The following ADGRB3 variants were observed in gnomAD, a reference collection of about 807,000 sequenced individuals.
ADGRB3 encodes adhesion G protein-coupled receptor B3.
Under a neutral mutation model 193.4 loss-of-function variants are expected in ADGRB3, and 37 were observed. The observed-to-expected ratio is 0.19, with a 90% CI of 0.15 to 0.25. The LOEUF (loss-of-function observed/expected upper bound fraction) is 0.25. Ranked by LOEUF, ADGRB3 falls within the 10% of genes least tolerant of loss-of-function variation. The pLI, the probability that ADGRB3 is intolerant of heterozygous loss-of-function variation, is 1.00. For missense variants in ADGRB3, 1,637 were observed against 1,852.9 expected, an observed-to-expected ratio of 0.88 and a Z score of 2.14; for synonymous variants, 690 against 644.2, an observed-to-expected ratio of 1.07 and a Z score of -1.08.
At position 69,018,513 on chromosome 6, in the gene ADGRB3, T is replaced by C. The variant is rs1338542387; in HGVS notation, c.2107+14T>C. 3.2e-6 allele frequency: 5 copies of C among 1,553,364 alleles called. No individual in the cohort carries two copies. The highest frequency in any genetic ancestry group is 3.5e-6 in the Non-Finnish European group (4 of 1,131,172). On this transcript the variant is annotated intron_variant, in intron 13 of 31. Transcript: ENST00000370598. Reference sequence around the variant, plus strand: ...CTGGAAATGTAGGTAAGAAATAGGATTTTCCCCCAAAATCTTTCTGAAATA... The same window carrying C: ...CTGGAAATGTAGGTAAGAAATAGGACTTTCCCCCAAAATCTTTCTGAAATA...
intron 3 of ADGRB3, among the ~76,000 whole-genome samples, chr6:68,880,700 T>C (rs537316495): frequency 1.3e-5 from 2 of 152,272 alleles, no homozygotes; most frequent in African/African-American, 4.8e-5. Flanking sequence ...GCAATTCAAA[T>C]GAAAGGTGGG....
chr6:69,061,953 T>G (rs1163529816), intron 15 of ADGRB3, among the ~76,000 whole-genome samples: 1 of 151,952 alleles, frequency 6.6e-6, no homozygotes, highest in East Asian at 1.9e-4. Context: ...ATTGTGAGTT[T>G]TATCTGTAAA....
intron 8 of ADGRB3, among the ~76,000 whole-genome samples, chr6:68,958,888 T>TAATA (rs1158995484): frequency 2.0e-5 from 3 of 151,676 alleles, no homozygotes; most frequent in African/African-American, 4.8e-5. Flanking sequence ...TGTGTGTGTG[T>TAATA]GTGTGTGTGT....
chr6:68,723,614 T>A (rs998765608), intron 3 of ADGRB3, among the ~76,000 whole-genome samples: 3 of 151,788 alleles, frequency 2.0e-5, no homozygotes, highest in African/African-American at 7.2e-5. Flanking sequence ...ATTTATCATC[T>A]ATCAGCACTA....
intron 3 of ADGRB3, among the ~76,000 whole-genome samples, chr6:68,715,052 G>A (rs1765466881): frequency 6.6e-6 from 1 of 151,788 alleles, no homozygotes. Context: ...ATTAAAAATA[G>A]CTTTGATTCA....
chr6:69,374,017 A>C (rs1769761615), intron 30 of ADGRB3, among the ~76,000 whole-genome samples: 1 of 151,938 alleles, frequency 6.6e-6, no homozygotes. Context: ...TTATTATTCC[A>C]CCCATAAAAC....
intron 15 of ADGRB3, among the ~76,000 whole-genome samples, chr6:69,050,865 T>C (rs1235547798): frequency 6.6e-6 from 1 of 152,204 alleles, no homozygotes; most frequent in Non-Finnish European, 1.5e-5. Context: ...TTGAGATACA[T>C]AGTGAATACA....
chr6:69,187,117 T>A (rs1351083779), intron 17 of ADGRB3, among the ~76,000 whole-genome samples: 1 of 152,098 alleles, frequency 6.6e-6, no homozygotes, highest in Non-Finnish European at 1.5e-5. Flanking sequence ...ATGCTCACTT[T>A]ATTATACTAT....
intron 17 of ADGRB3, among the ~76,000 whole-genome samples, chr6:69,219,467 A>ATG (rs1765844138): frequency 1.4e-5 from 1 of 74,058 alleles, no homozygotes; most frequent in Non-Finnish European, 2.5e-5. Flanking sequence ...ACACGTATAT[A>ATG]TATATATATA....
intron 3 of ADGRB3, among the ~76,000 whole-genome samples, chr6:68,865,426 T>C (rs769820770): frequency 1.2e-4 from 18 of 152,152 alleles, no homozygotes; most frequent in Non-Finnish European, 2.5e-4. Flanking sequence ...CAGGGTTACC[T>C]TCTCTGCAAG....
At position 68,747,519 on chromosome 6, in the gene ADGRB3, A is replaced by G. The variant is rs149417623; in HGVS notation, c.757+108087A>G. 4.3e-3 allele frequency among the ~76,000 whole-genome samples: 648 copies of G among 152,322 alleles called. 3 individuals are homozygous for G. The highest frequency in any genetic ancestry group is 0.014 in the African/African-American group (590 of 41,574). ...TATAGAATACATTCTCAAGTCCTGA[A>G]GCAATCTCCTAGACTTGACTCAGAA... On this transcript the variant is annotated intron_variant, in intron 3 of 31. Coordinates refer to ENST00000370598, the MANE Select transcript of ADGRB3 (RefSeq NM_001704.3).
chr6:68,661,457 ATATG>A (rs1325463547), intron 3 of ADGRB3, among the ~76,000 whole-genome samples: 1 of 127,844 alleles, frequency 7.8e-6, no homozygotes, highest in Non-Finnish European at 1.7e-5. Context: ...GTATACATAT[ATATG>A]TGTGTATATA....
intron 3 of ADGRB3, among the ~76,000 whole-genome samples, chr6:68,849,322 C>T (rs931522636): frequency 5.3e-5 from 8 of 151,290 alleles, no homozygotes; most frequent in African/African-American, 1.7e-4. Flanking sequence ...CTAAGCTACA[C>T]ATTTAAGTTA....
chr6:68,651,369 G>T (rs1156508809), intron 3 of ADGRB3, among the ~76,000 whole-genome samples: 1 of 152,140 alleles, frequency 6.6e-6, no homozygotes, highest in Non-Finnish European at 1.5e-5. Context: ...TTAGCTTGTA[G>T]TATATTAAAA....
At chr6:68,949,310 G>T (rs1428945726) in intron 6 of ADGRB3, among the ~76,000 whole-genome samples, 1 of 152,084 alleles carries the variant, frequency 6.6e-6, no homozygotes, top group Admixed American at 6.6e-5. Context: ...CTGCATTTGA[G>T]AAATGCTTTC....
chr6:68,928,314 C>T (rs891267958), intron 3 of ADGRB3, among the ~76,000 whole-genome samples: 3 of 152,086 alleles, frequency 2.0e-5, no homozygotes, highest in Non-Finnish European at 4.4e-5. Flanking sequence ...TCCCTTGAGG[C>T]CAGGAGTTTG....
At chr6:68,666,241 T>C (rs1229233302) in intron 3 of ADGRB3, among the ~76,000 whole-genome samples, 1 of 151,928 alleles carries the variant, frequency 6.6e-6, no homozygotes, top group African/African-American at 2.4e-5. Flanking sequence ...ATGGTGTCAC[T>C]AGTTCCTTCA....
At chr6:69,255,257 G>A (rs1481989828) in intron 20 of ADGRB3, among the ~76,000 whole-genome samples, 1 of 152,060 alleles carries the variant, frequency 6.6e-6, no homozygotes, top group Non-Finnish European at 1.5e-5. Flanking sequence ...GGTATTTCTA[G>A]TTCTAGATCC....
chr6:69,305,691 A>G (rs1190207624), intron 20 of ADGRB3, among the ~76,000 whole-genome samples: 1 of 151,394 alleles, frequency 6.6e-6, no homozygotes, highest in African/African-American at 2.4e-5. Context: ...GCTCTAGCTC[A>G]ATAGGCTACC....
Sources: gnomAD v4.1 joint callset for allele counts (sites outside exome capture counted in the v4.1 genomes callset) on GRCh38, gnomAD v4.1.1 for gene constraint, MANE v1.5 for transcripts, NCBI Gene and HGNC (gene_info 2026-07-23, HGNC 2026-07-21) for gene names.